The following CFAP107 variants were observed in gnomAD, a reference collection of about 807,000 sequenced individuals.
The protein encoded by CFAP107 is cilia- and flagella-associated protein 107.
chr1:12,761,002 A>G, the CFAP107 span: 1 of 1,503,682 alleles, frequency 6.7e-7, no homozygotes, highest in Admixed American at 2.0e-5. Flanking sequence ...AGACCACAGC[A>G]TCACTGGACT....
At chr1:12,749,062 G>A in the CFAP107 span, among the ~76,000 whole-genome samples, 2 of 152,098 alleles carry the variant, frequency 1.3e-5, no homozygotes, top group Non-Finnish European at 1.5e-5. Flanking sequence ...TGCATTAAGG[G>A]AATTCCATAA....
chr1:12,754,258 AATAAACAC>A, the CFAP107 span, among the ~76,000 whole-genome samples: 4 of 152,252 alleles, frequency 2.6e-5, no homozygotes, highest in Admixed American at 6.5e-5. Context: ...ACAAATGGCC[AATAAACAC>A]ATAAACATAG....
chr1:12,755,590 T>C, the CFAP107 span: 6 of 756,892 alleles, frequency 7.9e-6, no homozygotes, highest in African/African-American at 1.7e-5. Flanking sequence ...CAGGGGTTTA[T>C]ATTTACCTTT....
the CFAP107 span, among the ~76,000 whole-genome samples, chr1:12,750,729 G>A: frequency 6.6e-6 from 1 of 151,856 alleles, no homozygotes; most frequent in African/African-American, 2.4e-5. Context: ...AATAAATGAA[G>A]CAAAAATGGA....
the CFAP107 span, chr1:12,746,676 G>A: frequency 1.5e-6 from 1 of 649,412 alleles, no homozygotes. Context: ...GGGTCTCTGT[G>A]CTCTACAAAG....
the CFAP107 span, among the ~76,000 whole-genome samples, chr1:12,750,065 A>G: frequency 6.6e-6 from 1 of 152,248 alleles, no homozygotes; most frequent in African/African-American, 2.4e-5. Context: ...TGCATTATAT[A>G]AAGATGTAAT....
At chr1:12,758,892 C>T in the CFAP107 span, among the ~76,000 whole-genome samples, 93 of 152,312 alleles carry the variant, frequency 6.1e-4, no homozygotes, top group African/African-American at 2.1e-3. Context: ...GCATACATGT[C>T]AGGCTGGCTT....
chr1:12,755,205 G>C, the CFAP107 span, among the ~76,000 whole-genome samples: 69 of 152,316 alleles, frequency 4.5e-4, no homozygotes, highest in Admixed American at 2.6e-3. Context: ...GAGAGATCGA[G>C]ACCATCCTAG....
At chr1:12,763,468 C>G in the CFAP107 span, 1 of 151,888 alleles carries the variant, frequency 6.6e-6, no homozygotes, top group Non-Finnish European at 1.5e-5. Flanking sequence ...GATTACCCAG[C>G]TGAAGGGACA....
chr1:12,751,928 A>G, the CFAP107 span, among the ~76,000 whole-genome samples: 1 of 152,164 alleles, frequency 6.6e-6, no homozygotes, highest in East Asian at 1.9e-4. Context: ...AGAAAATCTG[A>G]ATAGATCTAT....
chr1:12,762,382 G>A, the CFAP107 span: 2 of 149,442 alleles, frequency 1.3e-5, no homozygotes, highest in South Asian at 2.1e-4. Flanking sequence ...CCTACCTTAG[G>A]GTCACTTTGG....
the CFAP107 span, chr1:12,759,582 G>A: frequency 2.1e-5 from 30 of 1,419,948 alleles, no homozygotes; most frequent in Non-Finnish European, 3.0e-5. Context: ...GAGCCACACA[G>A]GTGACCCTGG....
the CFAP107 span, among the ~76,000 whole-genome samples, chr1:12,758,875 A>G: frequency 6.6e-6 from 1 of 152,184 alleles, no homozygotes; most frequent in Non-Finnish European, 1.5e-5. Flanking sequence ...ACAGACTGAA[A>G]TATAAGGCAT....
At chr1:12,754,232 T>TAG in the CFAP107 span, among the ~76,000 whole-genome samples, 2 of 152,318 alleles carry the variant, frequency 1.3e-5, no homozygotes, top group South Asian at 4.1e-4. Context: ...AATAGGTATT[T>TAG]CTCCAAAGAA....
the CFAP107 span, chr1:12,755,764 AC>A: frequency 6.2e-7 from 1 of 1,613,940 alleles, no homozygotes; most frequent in South Asian, 1.1e-5. Flanking sequence ...CCCTTCCCAG[AC>A]CACAGACCAG....
chr1:12,760,337 T>A, the CFAP107 span, among the ~76,000 whole-genome samples: 1 of 152,228 alleles, frequency 6.6e-6, no homozygotes, highest in Admixed American at 6.5e-5. Context: ...TTTGTGGTCC[T>A]ACCTTTTGAT....
At chr1:12,755,624 C>T in the CFAP107 span, 1 of 952,264 alleles carries the variant, frequency 1.1e-6, no homozygotes, top group Non-Finnish European at 1.7e-6. Context: ...TCTGATGGCC[C>T]AGGAGGTAAG....
chr1:12,749,950 C>A, the CFAP107 span, among the ~76,000 whole-genome samples: 1 of 152,138 alleles, frequency 6.6e-6, no homozygotes, highest in African/African-American at 2.4e-5. Context: ...TGTAGACAAA[C>A]TTAAAAGCCA....
chr1:12,755,561 C>A, the CFAP107 span: 2 of 680,686 alleles, frequency 2.9e-6, no homozygotes, highest in Non-Finnish European at 5.4e-6. Context: ...AAGCTCTTTC[C>A]TGTGTTGGGC....
Sources: allele counts gnomAD v4.1 joint callset (sites outside exome capture counted in the v4.1 genomes callset), GRCh38; gene constraint gnomAD v4.1.1; transcripts MANE v1.5; gene names NCBI Gene and HGNC (gene_info 2026-07-23, HGNC 2026-07-21).